The following CCNT2 variants were observed in gnomAD, a reference collection of about 807,000 sequenced individuals.
CCNT2 encodes the protein cyclin T2.
In CCNT2, 18 loss-of-function variants were observed where a neutral mutation model predicts 70.0. The ratio of observed to expected loss-of-function variants is 0.26; its 90% CI spans 0.18 to 0.38. The LOEUF is 0.38. Among genes scored for constraint, CCNT2 ranks in the 10% least tolerant of loss-of-function variants. CCNT2 has a pLI of 1.00. For synonymous variants in CCNT2, 334 were observed against 313.3 expected, an observed-to-expected ratio of 1.07 and a Z score of -0.70; for missense variants, 734 against 890.2, an observed-to-expected ratio of 0.82 and a Z score of 2.23.
chr2:134,941,451 G>A (rs1358233205), intron 4 of CCNT2, among the ~76,000 whole-genome samples: 2 of 152,144 alleles, frequency 1.3e-5, no homozygotes, highest in African/African-American at 2.4e-5. Flanking sequence ...AGGCTTCAGC[G>A]GTAAGCAGGT....
chr2:134,947,352 CTTTCCA>C (rs1220094866), intron 6 of CCNT2, among the ~76,000 whole-genome samples: 4 of 152,236 alleles, frequency 2.6e-5, no homozygotes, highest in East Asian at 3.9e-4. Context: ...TAGTTTTTAT[CTTTCCA>C]TTTACATATT....
chr2:134,955,450 T>C lies in CCNT2; in HGVS notation c.*802T>C, dbSNP rs1308746384. ...TTCTGAAGGCTTGAAGAGGAAAAAA[T>C]AAAGTTTACATACTCTTGATGTGAA... On this transcript the variant is annotated 3_prime_UTR_variant, in exon 9 of 9. Coordinates refer to ENST00000264157, the MANE Select transcript of CCNT2 (RefSeq NM_058241.3). 2 of 152,578 alleles carry C rather than the reference T, an allele frequency of 1.3e-5. No individual in the cohort carries two copies. The highest frequency in any genetic ancestry group is 4.8e-5 in the African/African-American group (2 of 41,434). The allele number at this position is 152,578 out of a possible 1,614,324, so 9.5% of individuals were successfully genotyped here.
At chr2:134,945,160 C>G in intron 5 of CCNT2, 1 of 985,340 alleles carries the variant, frequency 1.0e-6, no homozygotes, top group Non-Finnish European at 1.2e-6. Context: ...TTTTGTAAAA[C>G]CTTTATGTTG....
intron 4 of CCNT2, 49 bp downstream of exon 4, chr2:134,939,111 C>T (rs1287468053): frequency 8.6e-7 from 1 of 1,164,578 alleles, no homozygotes; most frequent in Non-Finnish European, 1.3e-6. Context: ...TTCACTAAAG[C>T]ATTCTAAATA....
rs373811856 is a variant in CCNT2 at position 134,936,984 on chromosome 2, G to C, written c.369+15G>C. The C allele has an allele frequency of 6.4e-7, 1 of 1,573,898 alleles. No individual in the cohort carries two copies. The highest frequency in any genetic ancestry group is 1.2e-5 in the South Asian group (1 of 85,462). On this transcript the variant is annotated intron_variant, in intron 3 of 8. Transcript: ENST00000264157. ...CTAAATGTGATGTATGTAAATACTGGGTTTTTTATTTTTCTTTGTAAATTT... is the reference window on the plus strand; with the variant it reads ...CTAAATGTGATGTATGTAAATACTGCGTTTTTTATTTTTCTTTGTAAATTT...
At position 134,924,753 on chromosome 2, in the gene CCNT2, T is replaced by G. The variant is rs145870538; in HGVS notation, c.240+4862T>G. Among the ~76,000 whole-genome samples the G allele has an allele frequency of 1.1e-3, 170 of 152,172 alleles. 4 individuals carry two copies. The Middle Eastern group carries it at 0.041, about 37-fold the overall frequency. ...CGTTAGCCACCTCGCCCGGCCCCAG[T>G]ATTCTTACTCTAATCACTTTCTTTA... On this transcript the variant is annotated intron_variant, in intron 2 of 8. Transcript: ENST00000264157.
intron 5 of CCNT2, 129 bp from the exon 6 acceptor site, chr2:134,945,972 A>G: frequency 6.3e-7 from 1 of 1,579,180 alleles, no homozygotes; most frequent in Non-Finnish European, 8.6e-7. Flanking sequence ...CTCTTGTGAT[A>G]TTTGTAAGTA....
rs1024674846 is a variant in CCNT2 at position 134,939,125 on chromosome 2, G to A, written c.430+63G>A. The A allele has an allele frequency of 6.4e-6, 7 of 1,094,014 alleles. No individual in the cohort carries two copies. The African/African-American group carries it at 9.5e-5, about 15-fold the overall frequency. 67.8% of individuals were successfully genotyped at this position (1,094,014 alleles called of 1,614,324 possible). A position where few individuals can be genotyped will look rare whatever the true frequency, so the allele number is the denominator to read the frequency against. Reference sequence around the variant, plus strand: ...TTTCACTAAAGCATTCTAAATAAGTGAAAAGATTTCTGAAATAATTGTATT... The same window carrying A: ...TTTCACTAAAGCATTCTAAATAAGTAAAAAGATTTCTGAAATAATTGTATT... On this transcript the variant is annotated intron_variant, in intron 4 of 8. Transcript: ENST00000264157.
At position 134,958,328 on chromosome 2, in the gene CCNT2, G is replaced by C. The variant is rs1018791056; in HGVS notation, c.*3680G>C. Reference sequence around the variant, plus strand: ...AATATTTGGAGGCTCTTGTTAGGAAGAATCATGGATTCAGTATTTCTAACC... The same window carrying C: ...AATATTTGGAGGCTCTTGTTAGGAACAATCATGGATTCAGTATTTCTAACC... On this transcript the variant is annotated 3_prime_UTR_variant, in exon 9 of 9. Transcript: ENST00000264157. The C allele has an allele frequency of 3.9e-5, 6 of 152,200 alleles. No individual in the cohort carries two copies. The highest frequency in any genetic ancestry group is 1.4e-4 in the African/African-American group (6 of 41,450). 9.4% of individuals were successfully genotyped at this position (152,200 alleles called of 1,614,324 possible).
intron 4 of CCNT2, among the ~76,000 whole-genome samples, chr2:134,942,283 G>A (rs1415753878): frequency 3.3e-5 from 5 of 151,876 alleles, no homozygotes; most frequent in East Asian, 1.9e-4. Context: ...AAGATATTAC[G>A]TAGTTGAATT....
intron 6 of CCNT2, 48 bp from the exon 7 acceptor site, chr2:134,947,688 A>T: frequency 1.5e-6 from 2 of 1,348,132 alleles, no homozygotes; most frequent in Non-Finnish European, 2.0e-6. Flanking sequence ...TTTGTTTTAC[A>T]TACTTGAATT....
chr2:134,923,743 C>T (rs957387838), intron 2 of CCNT2, among the ~76,000 whole-genome samples: 70 of 152,324 alleles, frequency 4.6e-4, no homozygotes, highest in Middle Eastern at 3.4e-3. Flanking sequence ...AGGAAGCAGA[C>T]GCAGTTACCA....
intron 2 of CCNT2, among the ~76,000 whole-genome samples, chr2:134,925,017 G>A (rs1666321834): frequency 6.6e-6 from 1 of 152,070 alleles, no homozygotes; most frequent in African/African-American, 2.4e-5. Flanking sequence ...TTGCATTCCT[G>A]GAAAAATTGA....
At chr2:134,932,709 C>G (rs961358380) in intron 2 of CCNT2, among the ~76,000 whole-genome samples, 1 of 152,238 alleles carries the variant, frequency 6.6e-6, no homozygotes, top group Non-Finnish European at 1.5e-5. Context: ...ATTTAAACCA[C>G]TTTTTAACAA....
At chr2:134,929,630 A>AGAGAGAGAGAGAGAGAGAGAGAGAGG (rs1307617247) in intron 2 of CCNT2, among the ~76,000 whole-genome samples, 1 of 135,300 alleles carries the variant, frequency 7.4e-6, no homozygotes, top group African/African-American at 2.9e-5. Context: ...AGAGAGAGAG[A>AGAGAGAGAGAGAGAGAGAGAGAGAGG]GAGAGAACTA....
chr2:134,946,236 TTGCGACAGGAGAC>T, intron 6 of CCNT2, 90 bp downstream of exon 6: 1 of 1,454,042 alleles, frequency 6.9e-7, no homozygotes, highest in Non-Finnish European at 9.5e-7. Context: ...CTTACCCTTG[TTGCGACAGGAGAC>T]TGGACCATCT....
Position 134,956,954 on chromosome 2 carries a change from AC to A in CCNT2, c.*2307del, listed in dbSNP as rs1339031938. On this transcript the variant is annotated 3_prime_UTR_variant, in exon 9 of 9. Transcript: ENST00000264157. ...TTGAAATGCTATGTATTCACTTTTC[AC>A]TCTGTAAATGTAATTCTTTACAATG... is the stretch of plus-strand genomic sequence containing the variant. The A allele has an allele frequency of 6.6e-6, 1 of 152,552 alleles. No individual in the cohort carries two copies. Among genetic ancestry groups the A allele is most frequent in the Non-Finnish European group, 1.5e-5 (1 of 67,994 alleles). The allele number at this position is 152,552 out of a possible 1,614,324, so 9.4% of individuals were successfully genotyped here.
intron 2 of CCNT2, among the ~76,000 whole-genome samples, chr2:134,921,889 C>T (rs962080589): frequency 2.6e-5 from 4 of 152,130 alleles, no homozygotes; most frequent in Non-Finnish European, 5.9e-5. Context: ...AGCATTTTTA[C>T]GTAGAGTCAG....
chr2:134,921,168 T>G (rs1679870385), intron 2 of CCNT2, among the ~76,000 whole-genome samples: 1 of 152,196 alleles, frequency 6.6e-6, no homozygotes, highest in Non-Finnish European at 1.5e-5. Context: ...AGTAGTGAAC[T>G]AATGAATGTT....
Sources: allele counts gnomAD v4.1 joint callset (sites outside exome capture counted in the v4.1 genomes callset), GRCh38; gene constraint gnomAD v4.1.1; transcripts MANE v1.5; gene names NCBI Gene and HGNC (gene_info 2026-07-23, HGNC 2026-07-21).